The following SRRM4 variants were observed in gnomAD, a reference collection of about 807,000 sequenced individuals.
SRRM4 encodes serine/arginine repetitive matrix protein 4.
SRRM4 carries 33 observed loss-of-function variants against 68.9 expected under a neutral mutation model. The observed-to-expected ratio is 0.48, with a 90% CI of 0.36 to 0.64. The LOEUF is 0.64. SRRM4 is among the 30% of genes least tolerant of loss of function. SRRM4 has a pLI of 0.00. For synonymous variants in SRRM4, 318 were observed against 318.8 expected, an observed-to-expected ratio of 1.00 and a Z score of 0.03; for missense variants, 817 against 827.1, an observed-to-expected ratio of 0.99 and a Z score of 0.15.
chr12:119,137,905 G>T (rs1455581221), intron 8 of SRRM4, among the ~76,000 whole-genome samples: 1 of 151,996 alleles, frequency 6.6e-6, no homozygotes, highest in Non-Finnish European at 1.5e-5. Flanking sequence ...TGGGAGAGAT[G>T]GAGCAATACA....
chr12:119,119,337 A>T (rs1214145478), intron 4 of SRRM4, among the ~76,000 whole-genome samples: 1 of 151,962 alleles, frequency 6.6e-6, no homozygotes, highest in East Asian at 1.9e-4. Context: ...AAAAGAAACC[A>T]AAACCCAGTC....
chr12:119,055,972 A>C (rs1481859113), intron 1 of SRRM4, among the ~76,000 whole-genome samples: 1 of 152,232 alleles, frequency 6.6e-6, no homozygotes, highest in East Asian at 1.9e-4. Flanking sequence ...TTCTGGGGCC[A>C]TGTAGGGACG....
chr12:119,032,172 T>C (rs563409465), intron 1 of SRRM4, among the ~76,000 whole-genome samples: 1 of 152,294 alleles, frequency 6.6e-6, no homozygotes, highest in South Asian at 2.1e-4. Context: ...GTATCCTGAC[T>C]GGGAATGAAG....
rs1378342620 is a variant in SRRM4, at chr12:119,162,557, G to A, written c.*5759G>A. On this transcript the variant is annotated 3_prime_UTR_variant, in exon 13 of 13. Transcript: ENST00000267260. Reference sequence around the variant, plus strand: ...GGAGTTGACATGCCCAAGCTCCCTTGAGCTCAGATCAGCTTGACTCAATGT... The same window carrying A: ...GGAGTTGACATGCCCAAGCTCCCTTAAGCTCAGATCAGCTTGACTCAATGT... The A allele has an allele frequency of 6.6e-6, 1 of 152,162 alleles. No homozygotes were observed. Among genetic ancestry groups the A allele is most frequent in the East Asian group, 1.9e-4 (1 of 5,186 alleles). 9.4% of individuals were successfully genotyped at this position (152,162 alleles called of 1,614,324 possible). A position where few individuals can be genotyped will look rare whatever the true frequency, so the allele number is the denominator to read the frequency against.
At chr12:119,151,616 G>C (rs1030304707) in intron 10 of SRRM4, among the ~76,000 whole-genome samples, 1 of 152,164 alleles carries the variant, frequency 6.6e-6, no homozygotes, top group Non-Finnish European at 1.5e-5. Flanking sequence ...TCCTGATCCT[G>C]TGGATCAGCA....
intron 1 of SRRM4, among the ~76,000 whole-genome samples, chr12:118,996,571 T>A (rs953527621): frequency 6.6e-6 from 1 of 152,216 alleles, no homozygotes. Flanking sequence ...GTCATGCAAG[T>A]TAATACAAAT....
chr12:119,095,994 A>G (rs1348325252), intron 1 of SRRM4, among the ~76,000 whole-genome samples: 1 of 147,958 alleles, frequency 6.8e-6, no homozygotes, highest in Non-Finnish European at 1.5e-5. Flanking sequence ...TGTTTTCCAG[A>G]GTCTTCTCCC....
At chr12:119,043,775 TAC>T (rs58053550) in intron 1 of SRRM4, among the ~76,000 whole-genome samples, 5,676 of 141,652 alleles carry the variant, frequency 0.04, 174 homozygotes, top group East Asian at 0.12. Context: ...CATACACGCA[TAC>T]ACACACACAC....
intron 1 of SRRM4, among the ~76,000 whole-genome samples, chr12:119,029,509 A>G (rs1373487156): frequency 6.6e-6 from 1 of 152,214 alleles, no homozygotes; most frequent in East Asian, 1.9e-4. Context: ...GGCATTCAAC[A>G]ACCATTCATT....
chr12:119,069,160 A>T lies in SRRM4; in HGVS notation c.132-33076A>T, dbSNP rs79162748. Among the ~76,000 whole-genome samples the T allele has an allele frequency of 6.2e-3, 940 of 152,318 alleles. 11 individuals carry two copies. The highest frequency in any genetic ancestry group is 0.022 in the African/African-American group (905 of 41,576). ...GGGAGAGCCCTAAATAGTAAAGTCA[A>T]CAATTAAGGGAATGGAAAGCAAACA... is the stretch of plus-strand genomic sequence containing the variant. On this transcript the variant is annotated intron_variant, in intron 1 of 12. Transcript: ENST00000267260.
chr12:119,090,713 G>C (rs896246631), intron 1 of SRRM4, among the ~76,000 whole-genome samples: 1 of 152,134 alleles, frequency 6.6e-6, no homozygotes, highest in Admixed American at 6.5e-5. Flanking sequence ...AACTCACCAA[G>C]TGTCCCTGAG....
intron 1 of SRRM4, among the ~76,000 whole-genome samples, chr12:119,086,920 C>T (rs923100319): frequency 6.6e-6 from 1 of 152,202 alleles, no homozygotes; most frequent in African/African-American, 2.4e-5. Flanking sequence ...ACACCAATCT[C>T]ACAGCTGTAG....
rs934821270 is a variant in SRRM4 at position 119,038,312 on chromosome 12, T to C, written c.131+56299T>C. On this transcript the variant is annotated intron_variant, in intron 1 of 12. Transcript: ENST00000267260. The stretch of plus-strand genomic sequence containing the variant: ...CTGCAAGCTCCGCCTTCCGGGTTCA[T>C]GCCATTCTCCTGCCTCAGCCTCCCG... Among the ~76,000 whole-genome samples, 8 of 151,802 alleles carry C rather than the reference T, an allele frequency of 5.3e-5. No individual in the cohort carries two copies. In the East Asian group the frequency reaches 1.6e-3, roughly 29 times the overall value.
At chr12:119,062,066 G>T (rs1032477358) in intron 1 of SRRM4, among the ~76,000 whole-genome samples, 2 of 152,160 alleles carry the variant, frequency 1.3e-5, no homozygotes, top group Non-Finnish European at 2.9e-5. Flanking sequence ...TAGGCTGTAT[G>T]GTACAGCTTG....
intron 1 of SRRM4, among the ~76,000 whole-genome samples, chr12:119,075,360 T>TGAC (rs541693748): frequency 3.7e-3 from 569 of 152,116 alleles, no homozygotes; most frequent in African/African-American, 0.013. Flanking sequence ...ATGATGATGA[T>TGAC]GACGATTATG....
chr12:119,001,849 G>A (rs1168851184), intron 1 of SRRM4: 1 of 152,058 alleles, frequency 6.6e-6, no homozygotes, highest in East Asian at 1.9e-4. Flanking sequence ...CAGGTGTGAT[G>A]GCTCATGTCT....
chr12:119,091,267 C>G (rs936399582), intron 1 of SRRM4, among the ~76,000 whole-genome samples: 3 of 152,204 alleles, frequency 2.0e-5, no homozygotes, highest in Non-Finnish European at 4.4e-5. Context: ...GAGAGAGAAG[C>G]CTGAACTCAG....
intron 1 of SRRM4, among the ~76,000 whole-genome samples, chr12:119,027,037 T>G (rs897362829): frequency 5.3e-5 from 8 of 152,092 alleles, no homozygotes; most frequent in Non-Finnish European, 1.0e-4. Context: ...TTTAGATGCT[T>G]CCTTTATTCC....
In SRRM4 at chr12:119,154,304, C is replaced by A. The variant is rs970218169; in HGVS notation, c.1453C>A (p.Arg485=). 1.3e-5 allele frequency: 21 copies of A among 1,612,038 alleles called. No homozygotes were observed. The highest frequency in any genetic ancestry group is 1.8e-5 in the Non-Finnish European group (21 of 1,179,290). The change falls in exon 12 of 13, where the codon CGG becomes AGG. Residue 485 remains arginine (R), a synonymous_variant. Transcript: ENST00000267260. The surrounding 1 kb of genome is among the most constrained non-coding windows in gnomAD (Gnocchi z 4.7). ...SQQRERERAR[R]RRRSYSPMRK... is the part of the protein sequence containing the mutation. Reference sequence around the variant, plus strand: ...GCAGCGGGAGCGCGAGCGAGCGCGTCGGAGACGTCGGTCCTACTCGCCTAT... The same window carrying A: ...GCAGCGGGAGCGCGAGCGAGCGCGTAGGAGACGTCGGTCCTACTCGCCTAT...
Sources: allele counts gnomAD v4.1 joint callset (sites outside exome capture counted in the v4.1 genomes callset), GRCh38; gene constraint gnomAD v4.1.1; non-coding constraint Gnocchi (gnomAD v3.1); transcripts MANE v1.5; gene names NCBI Gene and HGNC (gene_info 2026-07-23, HGNC 2026-07-21).